The following HERC1 variants were observed in gnomAD, a reference collection of about 807,000 sequenced individuals.
HERC1 encodes probable E3 ubiquitin-protein ligase HERC1.
A neutral mutation model predicts 554.3 loss-of-function variants in HERC1; 160 were observed. The observed-to-expected ratio is 0.29, with a 90% CI of 0.25 to 0.33. The LOEUF is 0.33. HERC1 is among the 10% of genes least tolerant of loss of function. The pLI, the probability that HERC1 is intolerant of heterozygous loss-of-function variation, is 1.00. For synonymous variants in HERC1, 2,175 were observed against 2,131.7 expected (o/e 1.02, Z -0.56); for missense variants, 4,919 against 5,918.5 (o/e 0.83, Z 5.54).
At chr15:63,662,854 C>T in intron 44 of HERC1, 130 bp downstream of exon 44, 4 of 647,862 alleles carry the variant, frequency 6.2e-6, no homozygotes, top group South Asian at 4.0e-5. Flanking sequence ...ACTTTAAATC[C>T]CCAAACCTCA....
Position 63,678,299 on chromosome 15 carries a change from T to C in HERC1, c.6616A>G (p.Ser2206Gly). Residue 2206 changes from serine (S) to glycine (G), a missense_variant, in exon 37 of 78, where the codon AGT (serine) becomes GGT (glycine). By Grantham distance (56) the Ser-to-Gly change is moderately conservative (BLOSUM62 0). Coordinates refer to ENST00000443617, the MANE Select transcript of HERC1 (RefSeq NM_003922.4). ...TCAGCCAGCACTGCTGCTACTGGAC[T>C]ACAAATAGGGTCTCCTGGAAGTAAG... The part of the protein sequence containing the change: ...RDLLPGDPIC[S>G]PVAAVLAEAT... 3 of 1,613,516 alleles carry C rather than the reference T, an allele frequency of 1.9e-6. No homozygotes were observed. The South Asian group carries it at 3.3e-5, about 18-fold the overall frequency.
intron 3 of HERC1, among the ~76,000 whole-genome samples, chr15:63,763,591 T>C (rs1164663200): frequency 1.3e-5 from 2 of 151,884 alleles, no homozygotes; most frequent in African/African-American, 4.8e-5. Flanking sequence ...TTTTTTTTTT[T>C]TAATGGGCAA....
chr15:63,739,878 A>C (rs573059042), intron 12 of HERC1, among the ~76,000 whole-genome samples: 1 of 151,848 alleles, frequency 6.6e-6, no homozygotes, highest in African/African-American at 2.4e-5. Context: ...TTACACAATA[A>C]GCCCTTTGTG....
At chr15:63,830,112 A>G (rs2078105201) in intron 1 of HERC1, among the ~76,000 whole-genome samples, 1 of 152,234 alleles carries the variant, frequency 6.6e-6, no homozygotes, top group South Asian at 2.1e-4. Context: ...AATCAATGGG[A>G]GAAAGTTTGA....
At chr15:63,643,133 T>A in intron 58 of HERC1, 75 bp from the exon 59 acceptor site, 2 of 1,068,660 alleles carry the variant, frequency 1.9e-6, no homozygotes, top group Non-Finnish European at 1.4e-6. Flanking sequence ...CTATTTCACA[T>A]TGACAAAAAC....
In HERC1 at chr15:63,718,083, GACAC is replaced by G. The variant is rs34069674; in HGVS notation, c.3978+487_3978+490del. On this transcript the variant is annotated intron_variant, in intron 21 of 77. Coordinates refer to ENST00000443617, the MANE Select transcript of HERC1 (RefSeq NM_003922.4). This position sits in a 1 kb window ranked among gnomAD's most constrained non-coding sequence, Gnocchi z 4.2. ...AGTATTTTTAAGGCAGCTATTATGT[GACAC>G]ACACACACACACACACACACACACA... Among the ~76,000 whole-genome samples, 494 of 75,618 alleles carry G rather than the reference GACAC, an allele frequency of 6.5e-3. 3 individuals are homozygous for G. The highest frequency in any genetic ancestry group is 0.014 in the Admixed American group (122 of 8,794). The allele number at this position is 75,618 out of a possible 152,430, so 49.6% of individuals were successfully genotyped here. A position where few individuals can be genotyped will look rare whatever the true frequency, so the allele number is the denominator to read the frequency against.
chr15:63,651,167 G>A lies in HERC1; in HGVS notation c.10546+86C>T, dbSNP rs1330516895. ...AGGCTTGTGAATTTCAAGGTGAAGA[G>A]AAACCACTGTTTGGACTCAGAAGAC... is the stretch of plus-strand genomic sequence containing the variant. On this transcript the variant is annotated intron_variant, in intron 53 of 77. Transcript: ENST00000443617. 8.9e-5 allele frequency: 112 copies of A among 1,256,884 alleles called. No homozygotes were observed. In the East Asian group the frequency reaches 2.5e-3, roughly 29 times the overall value. The allele number at this position is 1,256,884 out of a possible 1,614,324, so 77.9% of individuals were successfully genotyped here.
At chr15:63,825,801 G>A (rs2077880019) in intron 1 of HERC1, among the ~76,000 whole-genome samples, 1 of 150,628 alleles carries the variant, frequency 6.6e-6, no homozygotes. Context: ...TCTCGTTCTT[G>A]TCCCCCAGGC....
rs141379412 is a variant in HERC1 at position 63,709,337 on chromosome 15, T to G, written c.4585-2506A>C. 3.9e-5 allele frequency among the ~76,000 whole-genome samples: 6 copies of G among 152,222 alleles called. No individual in the cohort carries two copies. The East Asian group carries it at 1.2e-3, about 29-fold the overall frequency. On this transcript the variant is annotated intron_variant, in intron 24 of 77. Coordinates refer to ENST00000443617, the MANE Select transcript of HERC1 (RefSeq NM_003922.4). ...ATCTTTTTTAAAAATGGGTTTTTTT[T>G]TAGTCTTTTTAAAAATTTTCTAAAA...
intron 1 of HERC1, among the ~76,000 whole-genome samples, chr15:63,805,317 T>C (rs992734625): frequency 2.6e-5 from 4 of 152,182 alleles, no homozygotes; most frequent in African/African-American, 9.7e-5. Flanking sequence ...TAAGCATTAT[T>C]ATTCATTATT....
chr15:63,787,053 G>A (rs1245302915), intron 1 of HERC1, among the ~76,000 whole-genome samples: 1 of 151,932 alleles, frequency 6.6e-6, no homozygotes, highest in Non-Finnish European at 1.5e-5. Context: ...TGTTGGCCAG[G>A]CTGGTCTTGA....
intron 1 of HERC1, among the ~76,000 whole-genome samples, chr15:63,828,028 C>A (rs2078001184): frequency 6.6e-6 from 1 of 151,866 alleles, no homozygotes; most frequent in African/African-American, 2.4e-5. Context: ...TGAAAGTGTT[C>A]CGGAATTAGA....
intron 1 of HERC1, among the ~76,000 whole-genome samples, chr15:63,820,133 T>TA (rs1409859280): frequency 6.6e-6 from 1 of 152,066 alleles, no homozygotes; most frequent in Non-Finnish European, 1.5e-5. Flanking sequence ...AATTTAAAAA[T>TA]AAAAAAATAC....
chr15:63,716,450 T>C lies in HERC1; in HGVS notation c.4002A>G (p.Ala1334=), dbSNP rs766264556. 179 of 1,612,206 alleles carry C rather than the reference T, an allele frequency of 1.1e-4. No individual in the cohort carries two copies. In the Middle Eastern group the frequency reaches 1.3e-3, roughly 12 times the overall value. Residue 1334 remains alanine, a synonymous_variant, in exon 22 of 78, where the codon GCA becomes GCG. Coordinates refer to ENST00000443617, the MANE Select transcript of HERC1 (RefSeq NM_003922.4). ...ATGAATGCTCCTGAGGATCAACATC[T>C]GCAGAGTCCTGGTTTTCTGATATCT... ...DRWISENQDS[A]DVDPQEHSFT... is the part of the protein sequence containing the mutation.
intron 70 of HERC1, among the ~76,000 whole-genome samples, chr15:63,627,369 G>C (rs767245797): frequency 1.3e-5 from 2 of 152,096 alleles, no homozygotes; most frequent in African/African-American, 2.4e-5. Context: ...GAAAGACAAG[G>C]CTTGAGGGCC....
intron 4 of HERC1, among the ~76,000 whole-genome samples, chr15:63,757,788 C>T (rs917130690): frequency 6.6e-6 from 1 of 152,162 alleles, no homozygotes; most frequent in Admixed American, 6.5e-5. Flanking sequence ...CAGCTCACTG[C>T]AACCTCCGCC....
chr15:63,671,448 G>A (rs74018584), intron 39 of HERC1, among the ~76,000 whole-genome samples: 4,609 of 151,882 alleles, frequency 0.03, 226 homozygotes, highest in African/African-American at 0.1. Flanking sequence ...TTGAACAGAC[G>A]CACCTCCTGA....
In HERC1 at chr15:63,638,423, T is replaced by C. The variant is rs780162807; in HGVS notation, c.12081A>G (p.Ser4027=). The C allele has an allele frequency of 6.2e-7, 1 of 1,613,792 alleles. No individual in the cohort carries two copies. The highest frequency in any genetic ancestry group is 1.1e-5 in the South Asian group (1 of 91,064). The change falls in exon 63 of 78, where the codon TCA becomes TCG. Residue 4027 remains serine, a synonymous_variant. Transcript: ENST00000443617. ...TCCTGTTAGTTACCTGTTGGGCCTG[T>C]GAGAATGAGGGAGCTGCTGCAGGTA... is the stretch of plus-strand genomic sequence containing the variant. ...VMVPAAAPSF[S]QAQQVICGQN...
intron 1 of HERC1, among the ~76,000 whole-genome samples, chr15:63,823,357 C>T (rs74019043): frequency 0.029 from 4,364 of 152,252 alleles, 87 homozygotes; most frequent in African/African-American, 0.058. Flanking sequence ...TAAATAAATA[C>T]AGATGTAGAA....
Sources: allele counts gnomAD v4.1 joint callset (sites outside exome capture counted in the v4.1 genomes callset), GRCh38; gene constraint gnomAD v4.1.1; non-coding constraint Gnocchi (gnomAD v3.1); transcripts MANE v1.5; gene names NCBI Gene and HGNC (gene_info 2026-07-23, HGNC 2026-07-21).